INHA: variants seen among roughly 807,000 people sequenced by gnomAD.
INHA encodes inhibin subunit alpha.
In INHA, 8 loss-of-function variants were observed where a neutral mutation model predicts 21.3. That is an observed-to-expected ratio of 0.38 (90% CI 0.22 to 0.68). The LOEUF is 0.68. Among genes scored for constraint, INHA ranks in the 30% least tolerant of loss-of-function variants. The pLI is 0.53. For missense variants in INHA, 436 were observed against 465.8 expected (o/e 0.94, Z 0.59); for synonymous variants, 231 against 207.5 (o/e 1.11, Z -0.97).
In INHA at chr2:219,574,938, T is replaced by C. The variant is rs1332484396; in HGVS notation, c.513T>C (p.His171=). ...GPVAVPMSLG[H]APPHWAVLHL... The stretch of plus-strand genomic sequence containing the variant: ...TGGCTGTGCCCATGTCTTTGGGCCA[T>C]GCTCCCCCTCACTGGGCCGTGCTGC... The change falls in exon 2 of 2, where the codon CAT becomes CAC. Residue 171 remains histidine (H), a synonymous_variant. Coordinates refer to ENST00000243786, the MANE Select transcript of INHA (RefSeq NM_002191.4). 5.0e-6 allele frequency: 8 copies of C among 1,614,076 alleles called. 1 individual carries two copies. The Admixed American group carries it at 1.2e-4, about 24-fold the overall frequency.
At chr2:219,572,828 C>T (rs570567490) in intron 1 of INHA, among the ~76,000 whole-genome samples, 186 bp downstream of exon 1, 2 of 152,364 alleles carry the variant, frequency 1.3e-5, no homozygotes, top group African/African-American at 4.8e-5. Context: ...TAATGCCCAC[C>T]TCTCAGGATT....
rs757323001 is a variant in INHA, at chr2:219,572,352, C to T, written c.-23C>T. On this transcript the variant is annotated 5_prime_UTR_variant, in exon 1 of 2. Transcript: ENST00000243786. ...GGGCACGGGGCAGGGTGTGAGTTCC[C>T]CACTAGCAGGGCCAGGTGAGCTATG... The T allele has an allele frequency of 5.0e-6, 8 of 1,613,220 alleles. No individual in the cohort carries two copies. In the African/African-American group the frequency reaches 1.1e-4, roughly 22 times the overall value.
rs368930117 is a variant in INHA at position 219,575,083 on chromosome 2, C to A, written c.658C>A (p.Arg220=). ...EATPFLVAHT[R]TRPPSGGERA... is the part of the protein sequence containing the mutation. ...CACGCCCTTCCTGGTGGCCCACACT[C>A]GGACCAGACCACCCAGTGGAGGGGA... The change falls in exon 2 of 2, where the codon CGG becomes AGG. Residue 220 remains arginine, a synonymous_variant. Transcript: ENST00000243786. 1 of 1,613,924 alleles carries A rather than the reference C, an allele frequency of 6.2e-7. No individual in the cohort carries two copies. Among genetic ancestry groups the A allele is most frequent in the Non-Finnish European group, 8.5e-7 (1 of 1,180,026 alleles).
In INHA at chr2:219,575,633, T is replaced by G; in HGVS notation, c.*107T>G. The G allele has an allele frequency of 1.1e-6, 1 of 883,776 alleles. No homozygotes were observed. Among genetic ancestry groups the G allele is most frequent in the South Asian group, 1.4e-5 (1 of 73,602 alleles). 54.7% of individuals were successfully genotyped at this position (883,776 alleles called of 1,614,324 possible). ...GAAATAGATGGCTCCCACTCCTCCC[T>G]CCTTTCACTTCTCTGCCTATGGGCT... On this transcript the variant is annotated 3_prime_UTR_variant, in exon 2 of 2. Transcript: ENST00000243786.
chr2:219,575,440 C>T lies in INHA; in HGVS notation c.1015C>T (p.His339Tyr). Residue 339 changes from histidine to tyrosine, a missense_variant, in exon 2 of 2, where the codon CAT becomes TAT. Transcript: ENST00000243786. ...TCTCCCAGGGACCATGAGGCCCCTA[C>T]ATGTCCGCACCACCTCGGATGGAGG... ...AALPGTMRPL[H>Y]VRTTSDGGYS... 6.2e-7 allele frequency: 1 copy of T among 1,614,096 alleles called. No individual in the cohort carries two copies. Among genetic ancestry groups the T allele is most frequent in the Non-Finnish European group, 8.5e-7 (1 of 1,180,016 alleles).
Position 219,575,027 on chromosome 2 carries a change from C to A in INHA, c.602C>A (p.Pro201His), listed in dbSNP as rs1414977683. 1 of 1,613,376 alleles carries A rather than the reference C, an allele frequency of 6.2e-7. No individual in the cohort carries two copies. Among genetic ancestry groups the A allele is most frequent in the Admixed American group, 1.7e-5 (1 of 60,028 alleles). ...HPVLVLLLRC[P>H]LCTCSARPEA... Reference sequence around the variant, plus strand: ...GTCCTGGTGCTGCTGCTGCGCTGTCCCCTCTGTACCTGCTCAGCCCGGCCT... The same window carrying A: ...GTCCTGGTGCTGCTGCTGCGCTGTCACCTCTGTACCTGCTCAGCCCGGCCT... The change falls in exon 2 of 2, where the codon CCC (proline) becomes CAC (histidine). Residue 201 changes from proline to histidine, a missense_variant. Pro to His is a moderately conservative substitution (Grantham distance 77). Transcript: ENST00000243786.
rs1234955599 is a variant in INHA, at chr2:219,572,556, G to C, written c.182G>C (p.Arg61Thr). 1.3e-6 allele frequency: 2 copies of C among 1,570,724 alleles called. No homozygotes were observed. Among genetic ancestry groups the C allele is most frequent in the South Asian group, 1.2e-5 (1 of 86,364 alleles). The change falls in exon 1 of 2, where the codon AGA (arginine) becomes ACA (threonine). Residue 61 changes from arginine to threonine, a missense_variant. Physicochemically the swap from Arg to Thr is moderately conservative, Grantham distance 71. Transcript: ENST00000243786. Reference protein sequence around the residue: ...GDPGVRRLPRRHALGGFTHRG... With the variant: ...GDPGVRRLPRTHALGGFTHRG... ...CCTGGAGTCAGGCGGCTGCCCCGAA[G>C]ACATGCCCTGGGGGGCTTCACACAC...
At position 219,572,544 on chromosome 2, in the gene INHA, G is replaced by C. The variant is rs753111199; in HGVS notation, c.170G>C (p.Arg57Pro). Residue 57 changes from arginine (R) to proline (P), a missense_variant, in exon 1 of 2, where the codon CGG (arginine) becomes CCG (proline). Coordinates refer to ENST00000243786, the MANE Select transcript of INHA (RefSeq NM_002191.4). ...TREGGDPGVR[R>P]LPRRHALGGF... Reference sequence around the variant, plus strand: ...GAAGGTGGGGACCCTGGAGTCAGGCGGCTGCCCCGAAGACATGCCCTGGGG... The same window carrying C: ...GAAGGTGGGGACCCTGGAGTCAGGCCGCTGCCCCGAAGACATGCCCTGGGG... 4 of 1,580,904 alleles carry C rather than the reference G, an allele frequency of 2.5e-6. No individual in the cohort carries two copies. The highest frequency in any genetic ancestry group is 3.7e-5 in the Admixed American group (2 of 54,394).
intron 1 of INHA, among the ~76,000 whole-genome samples, chr2:219,574,363 T>C (rs868738089): frequency 6.6e-6 from 1 of 152,104 alleles, no homozygotes; most frequent in South Asian, 2.1e-4. Context: ...TGAGTAAGCA[T>C]TGAAGTCTAA....
In INHA at chr2:219,572,564, C is replaced by T. The variant is rs1697433046; in HGVS notation, c.190C>T (p.Leu64=). ...GVRRLPRRHA[L]GGFTHRGSEP... ...CAGGCGGCTGCCCCGAAGACATGCC[C>T]TGGGGGGCTTCACACACAGGGGCTC... Residue 64 remains leucine (L), a synonymous_variant, in exon 1 of 2, where the codon CTG becomes TTG. Coordinates refer to ENST00000243786, the MANE Select transcript of INHA (RefSeq NM_002191.4). 1 of 1,565,830 alleles carries T rather than the reference C, an allele frequency of 6.4e-7. No individual in the cohort carries two copies. Among genetic ancestry groups the T allele is most frequent in the Admixed American group, 1.9e-5 (1 of 52,304 alleles).
At chr2:219,573,700 C>T (rs1344927979) in intron 1 of INHA, among the ~76,000 whole-genome samples, 1 of 151,854 alleles carries the variant, frequency 6.6e-6, no homozygotes, top group Non-Finnish European at 1.5e-5. Context: ...ATAGGCCGGG[C>T]GCGGTGGCTC....
intron 1 of INHA, among the ~76,000 whole-genome samples, chr2:219,573,429 T>A (rs1461921258): frequency 1.3e-5 from 2 of 152,178 alleles, no homozygotes; most frequent in Non-Finnish European, 2.9e-5. Context: ...TGCTCCAGGA[T>A]GATTAGTATA....
rs761632829 is a variant in INHA, at chr2:219,575,048, G to C, written c.623G>C (p.Arg208Pro). The change falls in exon 2 of 2, where the codon CGG (arginine) becomes CCG (proline). Residue 208 changes from arginine to proline, a missense_variant. Coordinates refer to ENST00000243786, the MANE Select transcript of INHA (RefSeq NM_002191.4). Reference protein sequence around the residue: ...LRCPLCTCSARPEATPFLVAH... With the variant: ...LRCPLCTCSAPPEATPFLVAH... Reference sequence around the variant, plus strand: ...TGTCCCCTCTGTACCTGCTCAGCCCGGCCTGAGGCCACGCCCTTCCTGGTG... The same window carrying C: ...TGTCCCCTCTGTACCTGCTCAGCCCCGCCTGAGGCCACGCCCTTCCTGGTG... 1 of 1,613,430 alleles carries C rather than the reference G, an allele frequency of 6.2e-7. No individual in the cohort carries two copies. The highest frequency in any genetic ancestry group is 1.3e-5 in the African/African-American group (1 of 75,056).
chr2:219,574,755 C>T lies in INHA; in HGVS notation c.330C>T (p.Leu110=). ...RGLAQEAEEG[L]FRYMFRPSQH... ...TGGCCCAGGAGGCTGAGGAGGGCCTCTTCAGATACATGTTCCGGCCATCCC... is the reference window on the plus strand; with the variant it reads ...TGGCCCAGGAGGCTGAGGAGGGCCTTTTCAGATACATGTTCCGGCCATCCC... The change falls in exon 2 of 2, where the codon CTC becomes CTT. Residue 110 remains leucine (L), a synonymous_variant. Coordinates refer to ENST00000243786, the MANE Select transcript of INHA (RefSeq NM_002191.4). The T allele has an allele frequency of 6.2e-7, 1 of 1,614,106 alleles. No homozygotes were observed. The highest frequency in any genetic ancestry group is 8.5e-7 in the Non-Finnish European group (1 of 1,179,996).
Position 219,572,313 on chromosome 2 carries a change from G to T in INHA, c.-62G>T, listed in dbSNP as rs1574593924. The stretch of plus-strand genomic sequence containing the variant: ...GGGGAGAGTGGAAAGGCCCTGGGCA[G>T]ACCCTGGCAGAAGGGGCACGGGGCA... On this transcript the variant is annotated 5_prime_UTR_variant, in exon 1 of 2. Transcript: ENST00000243786. 6.2e-7 allele frequency: 1 copy of T among 1,611,348 alleles called. No homozygotes were observed. The highest frequency in any genetic ancestry group is 2.2e-5 in the East Asian group (1 of 44,878).
intron 1 of INHA, among the ~76,000 whole-genome samples, chr2:219,573,846 G>A (rs954133407): frequency 2.0e-5 from 3 of 151,982 alleles, no homozygotes; most frequent in Non-Finnish European, 2.9e-5. Flanking sequence ...GGTGGCACCA[G>A]CTACTCGGGA....
chr2:219,574,645 G>A (rs1213910179), intron 1 of INHA, 49 bp from the exon 2 acceptor site: 9 of 1,501,226 alleles, frequency 6.0e-6, no homozygotes, highest in Non-Finnish European at 7.3e-6. Context: ...AGGGGTGCCA[G>A]GTCCTGCCAG....
Position 219,574,949 on chromosome 2 carries a change from A to C in INHA, c.524A>C (p.His175Pro), listed in dbSNP as rs762524988. ...VPMSLGHAPPHWAVLHLATSA... is the reference protein window; with the variant it reads ...VPMSLGHAPPPWAVLHLATSA... ...ATGTCTTTGGGCCATGCTCCCCCTC[A>C]CTGGGCCGTGCTGCACCTGGCCACC... The change falls in exon 2 of 2, where the codon CAC becomes CCC. Residue 175 changes from histidine to proline, a missense_variant. Coordinates refer to ENST00000243786, the MANE Select transcript of INHA (RefSeq NM_002191.4). 3.0e-5 allele frequency: 49 copies of C among 1,613,936 alleles called. No homozygotes were observed. The highest frequency in any genetic ancestry group is 3.8e-5 in the Non-Finnish European group (45 of 1,180,018).
At chr2:219,574,287 A>C (rs1216138314) in intron 1 of INHA, among the ~76,000 whole-genome samples, 2 of 116,576 alleles carry the variant, frequency 1.7e-5, no homozygotes, top group African/African-American at 2.8e-5. Context: ...TCAAAAAAAA[A>C]AAAAAAAAAG....
Sources: allele counts gnomAD v4.1 joint callset (sites outside exome capture counted in the v4.1 genomes callset), GRCh38; gene constraint gnomAD v4.1.1; transcripts MANE v1.5; gene names NCBI Gene and HGNC (gene_info 2026-07-23, HGNC 2026-07-21).